The following SPATA7 variants were observed in gnomAD, a reference collection of about 807,000 sequenced individuals.
The protein encoded by SPATA7 is spermatogenesis-associated protein 7.
Under a neutral mutation model 51.8 loss-of-function variants are expected in SPATA7, and 43 were observed. The ratio of observed to expected loss-of-function variants is 0.83; its 90% CI spans 0.65 to 1.07. SPATA7 has a LOEUF of 1.07. Ranked by LOEUF, SPATA7 falls within the 50% of genes least tolerant of loss-of-function variation. The pLI, the probability that SPATA7 is intolerant of heterozygous loss-of-function variation, is 0.00. For missense variants in SPATA7, 683 were observed against 701.3 expected (o/e 0.97, Z 0.30); for synonymous variants, 230 against 252.8 (o/e 0.91, Z 0.86).
chr14:88,419,574 C>T (rs943390068), intron 5 of SPATA7, among the ~76,000 whole-genome samples: 8 of 150,582 alleles, frequency 5.3e-5, no homozygotes, highest in Non-Finnish European at 1.0e-4. Flanking sequence ...TTACCCAGGC[C>T]AGACTGCAGT....
intron 4 of SPATA7, among the ~76,000 whole-genome samples, chr14:88,460,288 A>G (rs974082170): frequency 3.3e-5 from 5 of 152,152 alleles, no homozygotes; most frequent in African/African-American, 7.2e-5. Flanking sequence ...CTCCTGGATA[A>G]TATCCTGCAG....
intron 4 of SPATA7, among the ~76,000 whole-genome samples, chr14:88,401,230 T>C (rs527925798): frequency 6.6e-6 from 1 of 152,276 alleles, no homozygotes; most frequent in South Asian, 2.1e-4. Flanking sequence ...CACAGTAACA[T>C]AGTGAAAGAT....
Position 88,416,760 on chromosome 14 carries a change from T to C in SPATA7, c.288T>C (p.Cys96=). Residue 96 remains cysteine (C), a synonymous_variant, in exon 5 of 12, where the codon TGT becomes TGC. Coordinates refer to ENST00000393545, the MANE Select transcript of SPATA7 (RefSeq NM_018418.5). ...AACTCAAAAAGGAATTAGCACAATGTGAAAAAGAGTTCAAATTAACTAAAA... is the reference window on the plus strand; with the variant it reads ...AACTCAAAAAGGAATTAGCACAATGCGAAAAAGAGTTCAAATTAACTAAAA... The part of the protein sequence containing the change: ...REKLKKELAQ[C]EKEFKLTKTA... The C allele has an allele frequency of 6.2e-7, 1 of 1,613,438 alleles. No homozygotes were observed. Among genetic ancestry groups the C allele is most frequent in the Middle Eastern group, 1.7e-4 (1 of 6,056 alleles).
At chr14:88,416,662 C>A in intron 4 of SPATA7, 49 bp from the exon 5 acceptor site, 2 of 1,599,940 alleles carry the variant, frequency 1.3e-6, no homozygotes, top group Non-Finnish European at 1.7e-6. Context: ...ACCAAAAAAC[C>A]AATTTTCTAT....
chr14:88,428,497 T>C (rs953168726), intron 7 of SPATA7: 4 of 152,148 alleles, frequency 2.6e-5, no homozygotes, highest in Admixed American at 1.3e-4. Flanking sequence ...ACAAATCACT[T>C]ATCCTCTGAG....
chr14:88,420,678 A>C (rs543267307), intron 5 of SPATA7, among the ~76,000 whole-genome samples: 144 of 152,288 alleles, frequency 9.5e-4, no homozygotes, highest in African/African-American at 3.3e-3. Context: ...GCTCAGAGCC[A>C]GTGTTATTTC....
chr14:88,429,203 A>G (rs926796306), intron 7 of SPATA7, 145 bp from the exon 8 acceptor site: 4 of 510,878 alleles, frequency 7.8e-6, no homozygotes, highest in Non-Finnish European at 1.4e-5. Context: ...GGATAGAAAA[A>G]TTATTCTAAA....
intron 3 of SPATA7, among the ~76,000 whole-genome samples, chr14:88,394,204 A>T (rs1478998216): frequency 6.6e-6 from 1 of 152,204 alleles, no homozygotes; most frequent in East Asian, 1.9e-4. Flanking sequence ...AACAGACTGT[A>T]TCACCCTGCA....
chr14:88,408,416 T>C (rs923967271), intron 4 of SPATA7, among the ~76,000 whole-genome samples: 1 of 152,108 alleles, frequency 6.6e-6, no homozygotes, highest in African/African-American at 2.4e-5. Flanking sequence ...CTGTCTGTTG[T>C]TGGTGTATAG....
intron 7 of SPATA7, chr14:88,428,027 C>G (rs2076843015): frequency 5.3e-6 from 1 of 188,404 alleles, no homozygotes; most frequent in Non-Finnish European, 1.1e-5. Context: ...GAGGAGCCAG[C>G]AGAGTAGTGC....
intron 3 of SPATA7, among the ~76,000 whole-genome samples, chr14:88,449,297 A>G (rs1193610558): frequency 1.3e-5 from 2 of 152,128 alleles, no homozygotes; most frequent in Admixed American, 1.3e-4. Flanking sequence ...AGTTCAAAGA[A>G]TTTTTTAATT....
At chr14:88,464,141 T>C (rs1260362109) in intron 4 of SPATA7, among the ~76,000 whole-genome samples, 1 of 152,008 alleles carries the variant, frequency 6.6e-6, no homozygotes, top group African/African-American at 2.4e-5. Context: ...CGACCGGCCT[T>C]CCTCATTTTT....
At chr14:88,386,185 C>T (rs535969575) in intron 1 of SPATA7, among the ~76,000 whole-genome samples, 2 of 152,246 alleles carry the variant, frequency 1.3e-5, no homozygotes, top group African/African-American at 2.4e-5. Context: ...CAAATCAAAC[C>T]CCTCTGCTCT....
chr14:88,411,464 C>T (rs1409220759), intron 4 of SPATA7, among the ~76,000 whole-genome samples: 4 of 152,102 alleles, frequency 2.6e-5, no homozygotes, highest in African/African-American at 9.7e-5. Context: ...AAACAGCCAC[C>T]CAGTTTTGTG....
In SPATA7 at chr14:88,427,480, CAAAT is replaced by C. The variant is rs896576113; in HGVS notation, c.846-146_846-143del. On this transcript the variant is annotated intron_variant, in intron 6 of 11. Transcript: ENST00000393545. ...TCAGATGAGTCTGCAGATATTTAAT[CAAAT>C]AAAATCAAATAATTCAAAATTATGT... 24 of 595,610 alleles carry C rather than the reference CAAAT, an allele frequency of 4.0e-5. No individual in the cohort carries two copies. In the African/African-American group the frequency reaches 4.1e-4, roughly 10 times the overall value. The allele number at this position is 595,610 out of a possible 1,614,324, so 36.9% of individuals were successfully genotyped here.
intron 7 of SPATA7, 60 bp downstream of exon 7, chr14:88,427,756 A>G: frequency 1.7e-6 from 2 of 1,197,870 alleles, no homozygotes; most frequent in Non-Finnish European, 2.5e-6. Flanking sequence ...TTTTCAGTAA[A>G]TAGAATATGT....
chr14:88,420,447 A>G (rs2076610127), intron 5 of SPATA7, among the ~76,000 whole-genome samples: 2 of 152,202 alleles, frequency 1.3e-5, no homozygotes, highest in Admixed American at 1.3e-4. Flanking sequence ...TCATTAGTTC[A>G]AGAAAAATCA....
intron 5 of SPATA7, among the ~76,000 whole-genome samples, chr14:88,424,052 C>G (rs1347108215): frequency 3.9e-5 from 6 of 152,192 alleles, no homozygotes; most frequent in Admixed American, 3.9e-4. Flanking sequence ...CAGTGCACAA[C>G]AAACCTCGTA....
chr14:88,446,745 A>G (rs1345514678), intron 3 of SPATA7, among the ~76,000 whole-genome samples: 1 of 152,038 alleles, frequency 6.6e-6, no homozygotes, highest in Admixed American at 6.6e-5. Flanking sequence ...TTATGTACCC[A>G]GTAGTCATTC....
Sources: allele counts gnomAD v4.1 joint callset (sites outside exome capture counted in the v4.1 genomes callset), GRCh38; gene constraint gnomAD v4.1.1; transcripts MANE v1.5; gene names NCBI Gene and HGNC (gene_info 2026-07-23, HGNC 2026-07-21).